Variants in CWC22 observed in about 807,000 individuals in gnomAD.
CWC22 encodes CWC22 spliceosome associated protein, also known as pre-mRNA-splicing factor CWC22 homolog.
A neutral mutation model predicts 117.2 loss-of-function variants in CWC22; 53 were observed. The observed-to-expected ratio is 0.45, with a 90% CI of 0.36 to 0.57. The LOEUF is 0.57. CWC22 is among the 20% of genes least tolerant of loss of function. The pLI, the probability that CWC22 is intolerant of heterozygous loss-of-function variation, is 0.00. For synonymous variants in CWC22, 360 were observed against 355.6 expected, an observed-to-expected ratio of 1.01 and a Z score of -0.14; for missense variants, 980 against 1,068.8, an observed-to-expected ratio of 0.92 and a Z score of 1.16.
intron 4 of CWC22, among the ~76,000 whole-genome samples, chr2:179,983,971 T>C (rs908645618): frequency 1.1e-4 from 16 of 152,142 alleles, no homozygotes; most frequent in African/African-American, 3.4e-4. Flanking sequence ...TGTTCCTTTA[T>C]AGTGCAGAAG....
intron 16 of CWC22, 124 bp downstream of exon 16, chr2:179,954,081 G>T: frequency 3.6e-6 from 2 of 561,320 alleles, no homozygotes; most frequent in Non-Finnish European, 3.0e-6. Flanking sequence ...CTCAAAGACA[G>T]CAGTTCTACA....
At chr2:180,003,397 A>G (rs1173722168) in intron 1 of CWC22, among the ~76,000 whole-genome samples, 4 of 152,210 alleles carry the variant, frequency 2.6e-5, no homozygotes, top group African/African-American at 9.6e-5. Flanking sequence ...CACACATTCA[A>G]ACCACTCTCT....
chr2:179,986,932 A>G (rs1218567982), intron 3 of CWC22, 127 bp from the exon 4 acceptor site: 1 of 492,382 alleles, frequency 2.0e-6, no homozygotes, highest in African/African-American at 2.0e-5. Flanking sequence ...AACTGTTCTT[A>G]ACAGCTCATT....
intron 4 of CWC22, 50 bp downstream of exon 4, chr2:179,986,645 G>C: frequency 9.7e-7 from 1 of 1,033,628 alleles, no homozygotes; most frequent in Non-Finnish European, 1.5e-6. Flanking sequence ...AGCATAAAGA[G>C]AGTTTAAACA....
At chr2:179,986,835 A>G (rs757669263) in intron 3 of CWC22, 30 bp from the exon 4 acceptor site, 1 of 1,234,628 alleles carries the variant, frequency 8.1e-7, no homozygotes, top group East Asian at 2.4e-5. Flanking sequence ...CCAAGTTGCA[A>G]ATTAAAAACA....
chr2:179,965,829 T>A, intron 12 of CWC22, 49 bp downstream of exon 12: 1 of 1,283,374 alleles, frequency 7.8e-7, no homozygotes, highest in East Asian at 2.5e-5. Flanking sequence ...TACATTAGAA[T>A]TAATTTTAGA....
chr2:179,997,298 T>C (rs999860986), intron 1 of CWC22, among the ~76,000 whole-genome samples: 10 of 151,888 alleles, frequency 6.6e-5, no homozygotes, highest in African/African-American at 1.9e-4. Flanking sequence ...AGGATATATA[T>C]ATACTGTTCC....
At chr2:179,974,886 G>A (rs553222951) in intron 6 of CWC22, among the ~76,000 whole-genome samples, 129 of 152,064 alleles carry the variant, frequency 8.5e-4, no homozygotes, top group Non-Finnish European at 1.3e-3. Flanking sequence ...GGAGGAGCTG[G>A]GACTACTGTG....
chr2:179,965,748 T>C (rs756992190), intron 12 of CWC22, 130 bp downstream of exon 12: 35 of 729,746 alleles, frequency 4.8e-5, no homozygotes, highest in African/African-American at 7.2e-5. Context: ...AGCCCTAGTC[T>C]TCACCTCCTA....
At chr2:179,994,488 T>C (rs1176529929) in intron 1 of CWC22, among the ~76,000 whole-genome samples, 5 of 152,226 alleles carry the variant, frequency 3.3e-5, no homozygotes, top group Non-Finnish European at 7.3e-5. Flanking sequence ...CCCTGTTAAG[T>C]ATTCCTTTCA....
chr2:179,973,133 G>T, intron 8 of CWC22, 60 bp downstream of exon 8: 1 of 1,039,624 alleles, frequency 9.6e-7, no homozygotes, highest in Non-Finnish European at 1.4e-6. Flanking sequence ...CAGTGAAGTG[G>T]CATCAACCCT....
intron 1 of CWC22, among the ~76,000 whole-genome samples, chr2:179,997,343 G>A (rs1687731322): frequency 6.6e-6 from 1 of 151,582 alleles, no homozygotes; most frequent in East Asian, 1.9e-4. Flanking sequence ...AGTACAAAAT[G>A]TAGCTTAAAA....
intron 5 of CWC22, among the ~76,000 whole-genome samples, chr2:179,979,282 A>AAAC (rs3029985): frequency 0.91 from 137,659 of 152,024 alleles, 62,402 homozygotes; most frequent in East Asian, 1. Context: ...ATAACACATT[A>AAAC]AACAAGAACT....
intron 2 of CWC22, among the ~76,000 whole-genome samples, chr2:179,992,791 C>G (rs986961069): frequency 1.3e-5 from 2 of 152,166 alleles, no homozygotes; most frequent in African/African-American, 4.8e-5. Context: ...ATCACTAGAA[C>G]TCAATATGCA....
intron 14 of CWC22, among the ~76,000 whole-genome samples, chr2:179,955,314 G>A (rs1183933788): frequency 6.6e-6 from 1 of 151,796 alleles, no homozygotes; most frequent in Non-Finnish European, 1.5e-5. Context: ...ATCTAGTATA[G>A]GAAACAGACA....
Position 179,986,811 on chromosome 2 carries a change from A to G in CWC22, c.96-6T>C, listed in dbSNP as rs1009476373. 2 of 1,506,076 alleles carry G rather than the reference A, an allele frequency of 1.3e-6. No homozygotes were observed. Among genetic ancestry groups the G allele is most frequent in the Non-Finnish European group, 1.8e-6 (2 of 1,111,550 alleles). The allele number at this position is 1,506,076 out of a possible 1,614,324, so 93.3% of individuals were successfully genotyped here. ...ATCGTTCTTGTTCTTCATATCTAAC[A>G]TAAAATAAGAAAACCAAGTTGCAAA... On this transcript the variant is annotated splice_region_variant and splice_polypyrimidine_tract_variant and intron_variant, in intron 3 of 19. Transcript: ENST00000410053.
At chr2:179,986,549 CA>C (rs1369090979) in intron 4 of CWC22, 145 bp downstream of exon 4, 1 of 498,680 alleles carries the variant, frequency 2.0e-6, no homozygotes, top group African/African-American at 2.0e-5. Flanking sequence ...GAAGTTAATT[CA>C]TATAAAGCCC....
At chr2:179,993,004 TAC>T (rs3030021) in intron 2 of CWC22, among the ~76,000 whole-genome samples, 99,329 of 151,860 alleles carry the variant, frequency 0.65, 32,923 homozygotes, top group Middle Eastern at 0.71. Flanking sequence ...TCCATGTGTA[TAC>T]ACACACACAC....
chr2:179,992,425 A>G, intron 2 of CWC22, among the ~76,000 whole-genome samples: 1 of 152,080 alleles, frequency 6.6e-6, no homozygotes. Context: ...CTTTCCCCAG[A>G]TATCGGCATA....
Sources: gnomAD v4.1 joint callset for allele counts (sites outside exome capture counted in the v4.1 genomes callset) on GRCh38, gnomAD v4.1.1 for gene constraint, MANE v1.5 for transcripts, NCBI Gene and HGNC (gene_info 2026-07-23, HGNC 2026-07-21) for gene names.